The following CDK12 variants were observed in gnomAD, a reference collection of about 807,000 sequenced individuals.
CDK12 encodes the protein cyclin-dependent kinase 12.
CDK12 carries 17 observed loss-of-function variants against 133.8 expected under a neutral mutation model. The ratio of observed to expected loss-of-function variants is 0.13; its 90% CI spans 0.09 to 0.19. The LOEUF (loss-of-function observed/expected upper bound fraction) is 0.19. Among genes scored for constraint, CDK12 ranks in the 10% least tolerant of loss-of-function variants. The probability of loss-of-function intolerance (pLI) is 1.00; values close to 1 mark genes in which losing one functional copy is unlikely to be tolerated. For synonymous variants in CDK12, 694 were observed against 683.6 expected, an observed-to-expected ratio of 1.02 and a Z score of -0.24; for missense variants, 1,508 against 1,818.7, an observed-to-expected ratio of 0.83 and a Z score of 3.11.
At chr17:39,515,966 C>A (rs565397865) in intron 9 of CDK12, among the ~76,000 whole-genome samples, 158 bp downstream of exon 9, 1 of 152,142 alleles carries the variant, frequency 6.6e-6, no homozygotes, top group Non-Finnish European at 1.5e-5. Flanking sequence ...TTGTCATAGG[C>A]TATACATATA....
chr17:39,476,798 C>T (rs1460136717), intron 2 of CDK12, among the ~76,000 whole-genome samples: 1 of 135,558 alleles, frequency 7.4e-6, no homozygotes, highest in African/African-American at 2.7e-5. Flanking sequence ...TCTCAGCTCA[C>T]GCAACCTCCG....
intron 3 of CDK12, among the ~76,000 whole-genome samples, chr17:39,563,835 A>C (rs1445857247): frequency 6.6e-6 from 1 of 152,112 alleles, no homozygotes; most frequent in Non-Finnish European, 1.5e-5. Flanking sequence ...TGTCGGCCTA[A>C]TTCTTCTAAC....
intron 1 of CDK12, among the ~76,000 whole-genome samples, chr17:39,467,389 TG>T (rs1017355468): frequency 4.7e-4 from 72 of 152,092 alleles, no homozygotes; most frequent in East Asian, 7.7e-4. Flanking sequence ...ATTCGGTGAG[TG>T]GGGGGGAAAT....
intron 2 of CDK12, among the ~76,000 whole-genome samples, chr17:39,486,955 C>A (rs1483871584): frequency 6.6e-6 from 1 of 152,094 alleles, no homozygotes; most frequent in African/African-American, 2.4e-5. Context: ...TTGCAGTGAG[C>A]CAAGATTGCA....
At chr17:39,471,906 A>T in intron 2 of CDK12, 143 bp downstream of exon 2, 4 of 735,622 alleles carry the variant, frequency 5.4e-6, no homozygotes, top group Non-Finnish European at 8.6e-6. Context: ...TGTAATTATG[A>T]CATTATTACT....
intron 3 of CDK12, among the ~76,000 whole-genome samples, chr17:39,558,380 C>T (rs2056242639): frequency 6.6e-6 from 1 of 152,238 alleles, no homozygotes. Flanking sequence ...AGGCACTTTA[C>T]AGTTCGTTAA....
intron 9 of CDK12, among the ~76,000 whole-genome samples, chr17:39,517,076 T>G (rs1484625893): frequency 1.3e-5 from 2 of 152,204 alleles, no homozygotes; most frequent in Non-Finnish European, 2.9e-5. Context: ...ATCTCACAGT[T>G]TACCCTATAG....
intron 1 of CDK12, among the ~76,000 whole-genome samples, chr17:39,467,327 C>G (rs1000685220): frequency 3.9e-5 from 6 of 152,154 alleles, no homozygotes; most frequent in Admixed American, 6.6e-5. Context: ...AATGCAGTGT[C>G]TTTGCATCCG....
intron 5 of CDK12, among the ~76,000 whole-genome samples, chr17:39,495,494 A>G (rs1175732894): frequency 6.6e-6 from 1 of 150,740 alleles, no homozygotes; most frequent in African/African-American, 2.4e-5. Flanking sequence ...AAGAAGAAGA[A>G]AAAGAAGATG....
chr17:39,465,156 G>C lies in CDK12; in HGVS notation c.1046+2039G>C, dbSNP rs543214208. On this transcript the variant is annotated intron_variant, in intron 1 of 13. Coordinates refer to ENST00000447079, the MANE Select transcript of CDK12 (RefSeq NM_016507.4). ...AGCTACTCGGAAGGCTGAGGCAGGAGAATCAGTTGAGCCCGGGAGGCAGAG... is the reference window on the plus strand; with the variant it reads ...AGCTACTCGGAAGGCTGAGGCAGGACAATCAGTTGAGCCCGGGAGGCAGAG... 1.2e-4 allele frequency among the ~76,000 whole-genome samples: 18 copies of C among 149,440 alleles called. No homozygotes were observed. In the East Asian group the frequency reaches 3.2e-3, roughly 27 times the overall value.
chr17:39,540,655 C>G (rs559889191), intron 1 of CDK12, among the ~76,000 whole-genome samples: 4 of 152,236 alleles, frequency 2.6e-5, no homozygotes, highest in Non-Finnish European at 5.9e-5. Flanking sequence ...AGGCCTTTTT[C>G]TGTCCCTCCC....
chr17:39,482,909 A>ATT (rs56026321), intron 2 of CDK12, among the ~76,000 whole-genome samples: 9 of 138,942 alleles, frequency 6.5e-5, no homozygotes, highest in African/African-American at 1.9e-4. Flanking sequence ...CCTCAACTAA[A>ATT]TTTTTTTTTT....
intron 1 of CDK12, among the ~76,000 whole-genome samples, chr17:39,468,098 A>G (rs1366587813): frequency 3.0e-5 from 4 of 133,334 alleles, no homozygotes; most frequent in Admixed American, 7.9e-5. Context: ...ATTTCACCAT[A>G]TTGGTCAGGC....
In CDK12 at chr17:39,530,680, C is replaced by T. The variant is rs775020016; in HGVS notation, c.3837C>T (p.Pro1279=). The change falls in exon 14 of 14, where the codon CCC becomes CCT. Residue 1279 remains proline, a synonymous_variant. Transcript: ENST00000447079. ...GACCTCCACCGCCGCCACCTCCACC[C>T]CCTCTGGTTGAAGGCGATCTTTCCA... ...PPGPPPPPPP[P]PLVEGDLSSA... is the part of the protein sequence containing the mutation. 4 of 1,613,630 alleles carry T rather than the reference C, an allele frequency of 2.5e-6. No homozygotes were observed. Among genetic ancestry groups the T allele is most frequent in the Non-Finnish European group, 3.4e-6 (4 of 1,179,830 alleles).
At chr17:39,535,498 C>T (rs1339399112), downstream of CDK12, among the ~76,000 whole-genome samples, 1 of 152,122 alleles carries the variant, frequency 6.6e-6, no homozygotes, top group African/African-American at 2.4e-5. Flanking sequence ...ATTATGTGTT[C>T]CTGGTTGCAA....
rs71147345 is a variant in CDK12 at position 39,482,599 on chromosome 17, ATTT to A, written c.1932-7939_1932-7937del. On this transcript the variant is annotated intron_variant, in intron 2 of 13. Transcript: ENST00000447079. ...GCTGCCAAAGTGAACAATCAACTACATTTTTTTTTTTTTTTTTTTTTGAGGCAG... is the reference window on the plus strand; with the variant it reads ...GCTGCCAAAGTGAACAATCAACTACATTTTTTTTTTTTTTTTTTGAGGCAG... 1.3e-4 allele frequency among the ~76,000 whole-genome samples: 10 copies of A among 74,386 alleles called. 1 individual carries two copies. The highest frequency in any genetic ancestry group is 2.0e-4 in the Admixed American group (1 of 5,128). The allele number at this position is 74,386 out of a possible 152,430, so 48.8% of individuals were successfully genotyped here.
Position 39,560,246 on chromosome 17 carries a change from A to G in CDK12, n.484+3833A>G, listed in dbSNP as rs75343659. Among the ~76,000 whole-genome samples, 1,419 of 152,362 alleles carry G rather than the reference A, an allele frequency of 9.3e-3. 29 individuals are homozygous for G. The highest frequency in any genetic ancestry group is 0.032 in the African/African-American group (1,340 of 41,582). On this transcript the variant is annotated intron_variant and non_coding_transcript_variant, in intron 3 of 3. Coordinates refer to the CDK12 transcript ENST00000558240. The stretch of plus-strand genomic sequence containing the variant: ...TCTGGACTAATTCCAGTTTCTGGCT[A>G]TTACAAATAAAGCTGCTATGAACAT...
At chr17:39,547,524 G>C (rs992735332), upstream of CDK12, among the ~76,000 whole-genome samples, 4 of 152,174 alleles carry the variant, frequency 2.6e-5, no homozygotes, top group Non-Finnish European at 4.4e-5. Context: ...GATTTATCTA[G>C]TGTCTATTTC....
At chr17:39,547,110 A>C (rs920130378), upstream of CDK12, among the ~76,000 whole-genome samples, 6 of 144,258 alleles carry the variant, frequency 4.2e-5, no homozygotes, top group African/African-American at 1.5e-4. Flanking sequence ...GTTGCTTGCT[A>C]TCCTGGGAGA....
Sources: allele counts gnomAD v4.1 joint callset (sites outside exome capture counted in the v4.1 genomes callset), GRCh38; gene constraint gnomAD v4.1.1; transcripts MANE v1.5; gene names NCBI Gene and HGNC (gene_info 2026-07-23, HGNC 2026-07-21).